The following FBXW4 variants were observed in gnomAD, a reference collection of about 807,000 sequenced individuals.
FBXW4 encodes the protein F-box/WD repeat-containing protein 4.
A neutral mutation model predicts 61.8 loss-of-function variants in FBXW4; 40 were observed. That is an observed-to-expected ratio of 0.65 (90% CI 0.50 to 0.84). The LOEUF is 0.84. Ranked by LOEUF, FBXW4 falls within the 40% of genes least tolerant of loss-of-function variation. FBXW4 has a pLI of 0.00. For missense variants in FBXW4, 672 were observed against 753.8 expected, an observed-to-expected ratio of 0.89 and a Z score of 1.27; for synonymous variants, 311 against 313.8, an observed-to-expected ratio of 0.99 and a Z score of 0.10.
chr10:101,612,210 G>T, intron 7 of FBXW4, 127 bp downstream of exon 7: 2 of 1,129,744 alleles, frequency 1.8e-6, no homozygotes, highest in Non-Finnish European at 2.3e-6. Flanking sequence ...GACCTTGCAG[G>T]CCTCTTCCTT....
chr10:101,627,235 A>G (rs1441029254), intron 5 of FBXW4, among the ~76,000 whole-genome samples: 1 of 152,038 alleles, frequency 6.6e-6, no homozygotes, highest in Non-Finnish European at 1.5e-5. Context: ...ACATCTATAA[A>G]TGTTTCTTTC....
In FBXW4 at chr10:101,618,973, C is replaced by A. The variant is rs1036764909; in HGVS notation, c.1301+5772G>T. On this transcript the variant is annotated intron_variant, in intron 6 of 8. Coordinates refer to ENST00000331272, the MANE Select transcript of FBXW4 (RefSeq NM_022039.4). Reference sequence around the variant, plus strand: ...TCAGGCCAGTCAGACCCACTTGGGCCTTCCAGCTGCCAGGAGCTGGGCCCC... The same window carrying A: ...TCAGGCCAGTCAGACCCACTTGGGCATTCCAGCTGCCAGGAGCTGGGCCCC... Among the ~76,000 whole-genome samples the A allele has an allele frequency of 5.9e-5, 9 of 152,166 alleles. No individual in the cohort carries two copies. In the East Asian group the frequency reaches 1.7e-3, roughly 29 times the overall value.
Position 101,694,462 on chromosome 10 carries a change from C to A in FBXW4, c.644G>T (p.Arg215Leu). The change falls in exon 1 of 9, where the codon CGC (arginine) becomes CTC (leucine). Residue 215 changes from arginine (R) to leucine (L), a missense_variant. Physicochemically the swap from Arg to Leu is moderately radical, Grantham distance 102. Coordinates refer to ENST00000331272, the MANE Select transcript of FBXW4 (RefSeq NM_022039.4). This position sits in a 1 kb window ranked among gnomAD's most constrained non-coding sequence, Gnocchi z 6.0. ...CCAGAGCAGATCGCAGCTGGTGAAG[C>A]GCCGCAGCCAGCGGCACACCTGGGC... is the stretch of plus-strand genomic sequence containing the variant. ...RLAQVCRWLRRFTSCDLLWRR... is the reference protein window; with the variant it reads ...RLAQVCRWLRLFTSCDLLWRR... The A allele has an allele frequency of 6.5e-7, 1 of 1,534,618 alleles. No individual in the cohort carries two copies. The highest frequency in any genetic ancestry group is 8.7e-7 in the Non-Finnish European group (1 of 1,152,262).
intron 1 of FBXW4, among the ~76,000 whole-genome samples, chr10:101,689,187 C>T (rs896359447): frequency 6.6e-6 from 1 of 151,870 alleles, no homozygotes; most frequent in Non-Finnish European, 1.5e-5. Context: ...AGCTCTCATT[C>T]CAGTATGAAC....
At chr10:101,645,471 C>T (rs995948931) in intron 5 of FBXW4, among the ~76,000 whole-genome samples, 4 of 152,250 alleles carry the variant, frequency 2.6e-5, no homozygotes, top group Non-Finnish European at 5.9e-5. Flanking sequence ...TCCCCGTCAC[C>T]TTTTCCTCAG....
intron 5 of FBXW4, among the ~76,000 whole-genome samples, chr10:101,662,050 C>T (rs1293894168): frequency 6.6e-6 from 1 of 152,170 alleles, no homozygotes; most frequent in Non-Finnish European, 1.5e-5. Context: ...AAGTCCAGGG[C>T]CAAAGGACTG....
chr10:101,646,531 C>A (rs1223749243), intron 5 of FBXW4, among the ~76,000 whole-genome samples: 2 of 152,218 alleles, frequency 1.3e-5, no homozygotes, highest in African/African-American at 2.4e-5. Context: ...AAAGCCGGGG[C>A]TTGTTGCTGG....
At position 101,613,487 on chromosome 10, in the gene FBXW4, G is replaced by A. The variant is rs578142536; in HGVS notation, c.1302-1010C>T. Among the ~76,000 whole-genome samples, 481 of 152,362 alleles carry A rather than the reference G, an allele frequency of 3.2e-3. 6 individuals are homozygous for A. Among genetic ancestry groups the A allele is most frequent in the Non-Finnish European group, 2.8e-3 (189 of 68,034 alleles). ...CCATGACAGGAGAAACAAGGCCGTG[G>A]ACACTTCACAGGGATGTCCAGGTAA... On this transcript the variant is annotated intron_variant, in intron 6 of 8. Coordinates refer to ENST00000331272, the MANE Select transcript of FBXW4 (RefSeq NM_022039.4).
intron 5 of FBXW4, among the ~76,000 whole-genome samples, chr10:101,651,891 G>C (rs548945698): frequency 6.6e-6 from 1 of 152,148 alleles, no homozygotes; most frequent in Non-Finnish European, 1.5e-5. Context: ...ATGAAAGGGG[G>C]CCGCGGCCCT....
At chr10:101,662,719 C>A (rs1234590389) in intron 5 of FBXW4, among the ~76,000 whole-genome samples, 1 of 152,050 alleles carries the variant, frequency 6.6e-6, no homozygotes, top group Non-Finnish European at 1.5e-5. Context: ...TGCAGAGGGA[C>A]GAGGAGCTGT....
At chr10:101,637,272 G>A (rs1413576202) in intron 5 of FBXW4, among the ~76,000 whole-genome samples, 1 of 149,224 alleles carries the variant, frequency 6.7e-6, no homozygotes, top group Admixed American at 6.7e-5. Flanking sequence ...GGCACCTGTA[G>A]TCCCAGCTAC....
At chr10:101,673,713 ACAG>A (rs759542987) in intron 2 of FBXW4, 40 bp from the exon 3 acceptor site, 1 of 1,592,308 alleles carries the variant, frequency 6.3e-7, no homozygotes, top group South Asian at 1.1e-5. Flanking sequence ...TCATCAAGAT[ACAG>A]TATGAAAACT....
At chr10:101,616,997 G>A (rs1015590347) in intron 6 of FBXW4, among the ~76,000 whole-genome samples, 5 of 152,218 alleles carry the variant, frequency 3.3e-5, no homozygotes. Flanking sequence ...ACAGAGGGAA[G>A]TAAGCTGAAG....
chr10:101,656,124 GT>G (rs1169870016), intron 5 of FBXW4, among the ~76,000 whole-genome samples: 6 of 152,272 alleles, frequency 3.9e-5, no homozygotes, highest in African/African-American at 1.4e-4. Context: ...TACTACTTGG[GT>G]ATATTTACAC....
At chr10:101,679,142 T>G (rs1259204675) in intron 1 of FBXW4, among the ~76,000 whole-genome samples, 1 of 151,924 alleles carries the variant, frequency 6.6e-6, no homozygotes, top group Admixed American at 6.6e-5. Flanking sequence ...CCTCAAGCAA[T>G]CCTCCTGCCT....
At chr10:101,674,724 G>A (rs1172932480) in intron 2 of FBXW4, among the ~76,000 whole-genome samples, 7 of 152,218 alleles carry the variant, frequency 4.6e-5, no homozygotes. Context: ...AGCTCTCACA[G>A]GCAACTGATA....
intron 5 of FBXW4, among the ~76,000 whole-genome samples, chr10:101,634,289 A>T (rs2063983126): frequency 7.9e-6 from 1 of 126,850 alleles, no homozygotes; most frequent in Non-Finnish European, 1.7e-5. Context: ...AAGAAAATAG[A>T]ATTGTTGAAT....
At chr10:101,645,483 C>T (rs1219388085) in intron 5 of FBXW4, among the ~76,000 whole-genome samples, 2 of 152,240 alleles carry the variant, frequency 1.3e-5, no homozygotes, top group Admixed American at 6.5e-5. Flanking sequence ...TTTCCTCAGA[C>T]ACACACAGGC....
intron 6 of FBXW4, among the ~76,000 whole-genome samples, chr10:101,616,948 T>C (rs182270098): frequency 1.3e-5 from 2 of 152,362 alleles, no homozygotes; most frequent in East Asian, 3.9e-4. Context: ...GCAGAGCTCC[T>C]GGAAATCCCG....
Sources: allele counts gnomAD v4.1 joint callset (sites outside exome capture counted in the v4.1 genomes callset), GRCh38; gene constraint gnomAD v4.1.1; non-coding constraint Gnocchi (gnomAD v3.1); transcripts MANE v1.5; gene names NCBI Gene and HGNC (gene_info 2026-07-23, HGNC 2026-07-21).